SPECC1: variants seen among roughly 807,000 people sequenced by gnomAD.
The protein encoded by SPECC1 is sperm antigen with calponin homology and coiled-coil domains 1, also known as cytospin-B.
A neutral mutation model predicts 104.1 loss-of-function variants in SPECC1; 62 were observed. The observed-to-expected ratio is 0.60, with a 90% CI of 0.49 to 0.74. The LOEUF (loss-of-function observed/expected upper bound fraction) is 0.74. Ranked by LOEUF, SPECC1 falls within the 30% of genes least tolerant of loss-of-function variation. SPECC1 has a pLI of 0.00. For synonymous variants in SPECC1, 513 were observed against 501.6 expected (o/e 1.02, Z -0.30); for missense variants, 1,306 against 1,310.5 (o/e 1.00, Z 0.05).
At chr17:20,260,709 G>T (rs1157135243) in intron 12 of SPECC1, among the ~76,000 whole-genome samples, 3 of 152,210 alleles carry the variant, frequency 2.0e-5, no homozygotes, top group African/African-American at 7.2e-5. Context: ...GAGGAAGCAC[G>T]GGAGAGGGAG....
intron 3 of SPECC1, among the ~76,000 whole-genome samples, chr17:20,198,041 C>T (rs1471422311): frequency 6.6e-6 from 1 of 152,204 alleles, no homozygotes; most frequent in African/African-American, 2.4e-5. Flanking sequence ...GTTCCCTTTC[C>T]CTGAGTGGCA....
At chr17:20,215,154 T>G (rs555505646) in intron 4 of SPECC1, among the ~76,000 whole-genome samples, 2 of 152,328 alleles carry the variant, frequency 1.3e-5, no homozygotes, top group African/African-American at 4.8e-5. Flanking sequence ...GGTCTCTCTT[T>G]GCCCCTCCAG....
chr17:20,237,551 G>T (rs765017868), intron 7 of SPECC1: 3 of 193,562 alleles, frequency 1.5e-5, no homozygotes, highest in Admixed American at 6.1e-5. Context: ...CTGACCTCAG[G>T]TGATCCCCAC....
At chr17:20,278,482 G>T (rs1418697362) in intron 12 of SPECC1, among the ~76,000 whole-genome samples, 1 of 152,154 alleles carries the variant, frequency 6.6e-6, no homozygotes, top group African/African-American at 2.4e-5. Flanking sequence ...CTTCTGACCT[G>T]CCAAATTCCT....
intron 3 of SPECC1, among the ~76,000 whole-genome samples, chr17:20,168,703 A>G (rs1215139229): frequency 4.6e-5 from 7 of 152,240 alleles, no homozygotes; most frequent in Non-Finnish European, 8.8e-5. Flanking sequence ...AAAAAGCATG[A>G]GAACTTATGG....
At chr17:20,150,153 T>C (rs923061060) in intron 3 of SPECC1, among the ~76,000 whole-genome samples, 3 of 151,740 alleles carry the variant, frequency 2.0e-5, no homozygotes, top group Non-Finnish European at 2.9e-5. Context: ...TTTTGTATTT[T>C]TTTTTTAGTA....
intron 9 of SPECC1, among the ~76,000 whole-genome samples, chr17:20,248,396 C>T (rs1235334724): frequency 2.6e-5 from 4 of 152,074 alleles, no homozygotes; most frequent in African/African-American, 9.7e-5. Context: ...TGAGTGAGCC[C>T]GTCTTGAGAT....
At chr17:20,166,112 C>A (rs2033628071) in intron 3 of SPECC1, among the ~76,000 whole-genome samples, 1 of 152,142 alleles carries the variant, frequency 6.6e-6, no homozygotes, top group Non-Finnish European at 1.5e-5. Context: ...ACACAATACA[C>A]CACAGAGTGT....
At chr17:20,213,066 T>C (rs1354743064) in intron 4 of SPECC1, among the ~76,000 whole-genome samples, 1 of 152,158 alleles carries the variant, frequency 6.6e-6, no homozygotes, top group East Asian at 1.9e-4. Flanking sequence ...GCATTCAAAG[T>C]TGGGTCTGAC....
At chr17:20,245,809 G>A (rs1183861503) in intron 7 of SPECC1, 117 bp from the exon 8 acceptor site, 6 of 1,228,280 alleles carry the variant, frequency 4.9e-6, no homozygotes, top group Non-Finnish European at 5.6e-6. Context: ...GTTAAATTCA[G>A]AATTTCCCTT....
At chr17:20,270,134 C>T (rs1206325951) in intron 12 of SPECC1, among the ~76,000 whole-genome samples, 3 of 151,942 alleles carry the variant, frequency 2.0e-5, no homozygotes. Context: ...GGAGTGGCTG[C>T]TTAGTGGGTA....
At chr17:20,209,464 A>G (rs2036994255) in intron 4 of SPECC1, among the ~76,000 whole-genome samples, 1 of 152,236 alleles carries the variant, frequency 6.6e-6, no homozygotes, top group Non-Finnish European at 1.5e-5. Flanking sequence ...AGCCTTGAAA[A>G]GTACTTTTTT....
intron 3 of SPECC1, among the ~76,000 whole-genome samples, chr17:20,188,345 G>C (rs1292402446): frequency 1.3e-5 from 2 of 149,304 alleles, no homozygotes; most frequent in African/African-American, 5.0e-5. Context: ...TGCAGCCTCT[G>C]CCTCCTGGAT....
rs771460104 is a variant in SPECC1 at position 20,110,420 on chromosome 17, C to T, written c.148-7C>T. 5 of 1,607,166 alleles carry T rather than the reference C, an allele frequency of 3.1e-6. No individual in the cohort carries two copies. The East Asian group carries it at 9.0e-5, about 29-fold the overall frequency. On this transcript the variant is annotated splice_polypyrimidine_tract_variant and splice_region_variant and intron_variant, in intron 2 of 14. Transcript: ENST00000395527. ...TCATCCTCTCTCTTTCCTTCCAACT[C>T]TCTCAGCTCAAGAGGGCCAGCAGTG...
At chr17:20,236,116 C>A (rs1567971223) in intron 7 of SPECC1, among the ~76,000 whole-genome samples, 1 of 152,148 alleles carries the variant, frequency 6.6e-6, no homozygotes, top group African/African-American at 2.4e-5. Flanking sequence ...AGCTGTCTTG[C>A]CACAGATGCT....
At chr17:20,223,588 G>A (rs1427214922) in intron 4 of SPECC1, among the ~76,000 whole-genome samples, 1 of 151,576 alleles carries the variant, frequency 6.6e-6, no homozygotes, top group Admixed American at 6.6e-5. Flanking sequence ...CAGGAGAATC[G>A]CTTGAACCTG....
At chr17:20,306,186 G>A (rs150056126) in intron 14 of SPECC1, 104 bp downstream of exon 14, 611 of 1,096,160 alleles carry the variant, frequency 5.6e-4, no homozygotes, top group African/African-American at 2.1e-3. Flanking sequence ...TCTGTTTGCC[G>A]AAAGTCTGTT....
intron 1 of SPECC1, among the ~76,000 whole-genome samples, chr17:20,074,181 G>A (rs1418592829): frequency 6.6e-6 from 1 of 152,134 alleles, no homozygotes; most frequent in Admixed American, 6.5e-5. Flanking sequence ...GAACGTTCTC[G>A]AGTCATCTCC....
At chr17:20,139,968 C>T (rs1055521158) in intron 3 of SPECC1, among the ~76,000 whole-genome samples, 2 of 152,182 alleles carry the variant, frequency 1.3e-5, no homozygotes, top group South Asian at 2.1e-4. Context: ...GCCACCGCAC[C>T]CAGCCCACTT....
Sources: allele counts gnomAD v4.1 joint callset (sites outside exome capture counted in the v4.1 genomes callset), GRCh38; gene constraint gnomAD v4.1.1; transcripts MANE v1.5; gene names NCBI Gene and HGNC (gene_info 2026-07-23, HGNC 2026-07-21).